Variants in ASTN2 observed in about 807,000 individuals in gnomAD.
ASTN2 encodes the protein astrotactin 2, also known as astrotactin-2.
In ASTN2, 54 loss-of-function variants were observed where a neutral mutation model predicts 139.8. The observed-to-expected ratio is 0.39, with a 90% CI of 0.31 to 0.48. ASTN2 has a LOEUF of 0.48. Ranked by LOEUF, ASTN2 falls within the 20% of genes least tolerant of loss-of-function variation. The pLI, the probability that ASTN2 is intolerant of heterozygous loss-of-function variation, is 0.95. For missense variants in ASTN2, 1,565 were observed against 1,725.1 expected (o/e 0.91, Z 1.64); for synonymous variants, 756 against 719.5 (o/e 1.05, Z -0.81).
intron 7 of ASTN2, among the ~76,000 whole-genome samples, chr9:116,995,957 C>G (rs1837000903): frequency 6.6e-6 from 1 of 152,184 alleles, no homozygotes; most frequent in South Asian, 2.1e-4. Context: ...CTGCTCACCT[C>G]AGCCTCCAAG....
rs1831839480 is a variant in ASTN2, at chr9:116,832,377, T to C, written c.2041-11594A>G. ...TTTTTTTCCCTGTTATTGCACTGGC[T>C]AGGACTTCCCACACGATGTTGAATA... On this transcript the variant is annotated intron_variant, in intron 11 of 22. Transcript: ENST00000313400. 2.6e-5 allele frequency among the ~76,000 whole-genome samples: 4 copies of C among 152,218 alleles called. No individual in the cohort carries two copies. The South Asian group carries it at 8.3e-4, about 32-fold the overall frequency.
intron 10 of ASTN2, among the ~76,000 whole-genome samples, chr9:116,922,340 C>T (rs1373764438): frequency 6.6e-6 from 1 of 152,130 alleles, no homozygotes; most frequent in Non-Finnish European, 1.5e-5. Context: ...TTATATATTG[C>T]TACAATGCCA....
chr9:117,110,592 G>T (rs578166758), intron 4 of ASTN2, among the ~76,000 whole-genome samples: 1 of 152,240 alleles, frequency 6.6e-6, no homozygotes, highest in East Asian at 1.9e-4. Flanking sequence ...AGAGGAGTAC[G>T]CTAGTAACAG....
At chr9:116,627,066 G>A (rs1856504563) in intron 17 of ASTN2, among the ~76,000 whole-genome samples, 2 of 152,200 alleles carry the variant, frequency 1.3e-5, no homozygotes, top group South Asian at 2.1e-4. Context: ...ACCTGACAGT[G>A]AGAAGGTGAT....
At chr9:116,485,141 C>T (rs1192147155) in intron 20 of ASTN2, among the ~76,000 whole-genome samples, 1 of 152,192 alleles carries the variant, frequency 6.6e-6, no homozygotes, top group African/African-American at 2.4e-5. Flanking sequence ...TAATAGCTAA[C>T]ACTTCTTAGG....
chr9:116,990,529 C>T (rs1836823416), intron 7 of ASTN2, among the ~76,000 whole-genome samples: 1 of 152,150 alleles, frequency 6.6e-6, no homozygotes. Flanking sequence ...CTCCAGCCTC[C>T]CAAAGTGTTT....
At chr9:116,889,399 T>C (rs1309031803) in intron 10 of ASTN2, among the ~76,000 whole-genome samples, 1 of 152,096 alleles carries the variant, frequency 6.6e-6, no homozygotes, top group Non-Finnish European at 1.5e-5. Context: ...AGCCCTCCCT[T>C]CAACACAGGC....
At chr9:116,714,239 C>G (rs1475982893) in intron 16 of ASTN2, among the ~76,000 whole-genome samples, 4 of 152,226 alleles carry the variant, frequency 2.6e-5, no homozygotes, top group East Asian at 3.9e-4. Context: ...CCTTCTATTC[C>G]CACCTCCAGG....
chr9:117,133,462 G>A (rs939487975), intron 4 of ASTN2, among the ~76,000 whole-genome samples: 1 of 152,108 alleles, frequency 6.6e-6, no homozygotes, highest in Non-Finnish European at 1.5e-5. Context: ...CCTTTTAGAT[G>A]GGGACACTGA....
At chr9:116,649,489 G>C (rs1032612654) in intron 17 of ASTN2, among the ~76,000 whole-genome samples, 3 of 150,632 alleles carry the variant, frequency 2.0e-5, no homozygotes, top group Admixed American at 1.3e-4. Flanking sequence ...CAGGAGAATC[G>C]CTTGAACCCA....
intron 13 of ASTN2, among the ~76,000 whole-genome samples, chr9:116,783,391 A>C (rs1014671322): frequency 1.5e-5 from 2 of 135,116 alleles, no homozygotes; most frequent in South Asian, 2.3e-4. Flanking sequence ...TCAACCTTCT[A>C]TCTTGTTAAC....
chr9:116,441,100 T>A (rs568312638), intron 21 of ASTN2, among the ~76,000 whole-genome samples: 4 of 152,304 alleles, frequency 2.6e-5, no homozygotes, highest in African/African-American at 9.6e-5. Flanking sequence ...ATTATCAATA[T>A]AATTATTGTA....
chr9:116,874,942 C>A (rs1833257944), intron 10 of ASTN2, among the ~76,000 whole-genome samples: 1 of 151,992 alleles, frequency 6.6e-6, no homozygotes, highest in Non-Finnish European at 1.5e-5. Flanking sequence ...GTTTGGGGAG[C>A]CCTCATTGCG....
In ASTN2 at chr9:117,182,601, G is replaced by A. The variant is rs80056134; in HGVS notation, c.1015+31757C>T. ...CCACCACCTCCTAATCACTGCTTTT[G>A]TCTACAGCATTCCTGACCTCAGACT... On this transcript the variant is annotated intron_variant, in intron 3 of 22. Transcript: ENST00000313400. Among the ~76,000 whole-genome samples the A allele has an allele frequency of 2.4e-4, 37 of 152,266 alleles. No individual in the cohort carries two copies. In the East Asian group the frequency reaches 6.9e-3, roughly 29 times the overall value.
At chr9:116,628,456 C>T (rs1177748498) in intron 17 of ASTN2, among the ~76,000 whole-genome samples, 3 of 152,084 alleles carry the variant, frequency 2.0e-5, no homozygotes, top group African/African-American at 7.2e-5. Context: ...TCAAAACTGG[C>T]CATAATTTCC....
Position 116,699,418 on chromosome 9 carries a change from G to A in ASTN2, c.2806+26353C>T. The A allele has an allele frequency of 6.2e-7, 1 of 1,614,164 alleles. No individual in the cohort carries two copies. The highest frequency in any genetic ancestry group is 8.5e-7 in the Non-Finnish European group (1 of 1,180,028). On this transcript the variant is annotated intron_variant, in intron 16 of 22. Transcript: ENST00000313400. The surrounding 1 kb of genome is among the most constrained non-coding windows in gnomAD (Gnocchi z 4.2). ...TCCATTGGCTCTGTAGGCCCTGATGGGCAGCTGGGTCGCCAGATTAGCCAC... is the reference window on the plus strand; with the variant it reads ...TCCATTGGCTCTGTAGGCCCTGATGAGCAGCTGGGTCGCCAGATTAGCCAC...
chr9:117,227,576 A>T (rs1478214488), intron 2 of ASTN2, among the ~76,000 whole-genome samples: 1 of 152,218 alleles, frequency 6.6e-6, no homozygotes, highest in African/African-American at 2.4e-5. Context: ...AAGGACAATA[A>T]CTAGATATGA....
chr9:116,799,364 T>C (rs938081222), intron 13 of ASTN2, among the ~76,000 whole-genome samples: 2 of 152,188 alleles, frequency 1.3e-5, no homozygotes, highest in African/African-American at 4.8e-5. Context: ...TGTCCTCTTA[T>C]GCTATACAAT....
chr9:116,801,594 A>AAG (rs1830857895), intron 13 of ASTN2, among the ~76,000 whole-genome samples: 1 of 148,080 alleles, frequency 6.8e-6, no homozygotes, highest in East Asian at 2.0e-4. Flanking sequence ...TCAAAAAAAA[A>AAG]AAAAAAAAAA....
Sources: allele counts gnomAD v4.1 joint callset (sites outside exome capture counted in the v4.1 genomes callset), GRCh38; gene constraint gnomAD v4.1.1; non-coding constraint Gnocchi (gnomAD v3.1); transcripts MANE v1.5; gene names NCBI Gene and HGNC (gene_info 2026-07-23, HGNC 2026-07-21).